Variants in DLGAP1 observed in about 807,000 individuals in gnomAD.
DLGAP1 encodes DLG associated protein 1.
In DLGAP1, 11 loss-of-function variants were observed where a neutral mutation model predicts 90.8. The ratio of observed to expected loss-of-function variants is 0.12; its 90% CI spans 0.08 to 0.20. DLGAP1 has a LOEUF of 0.20. Among genes scored for constraint, DLGAP1 ranks in the 10% least tolerant of loss-of-function variants. The pLI, the probability that DLGAP1 is intolerant of heterozygous loss-of-function variation, is 1.00. For synonymous variants in DLGAP1, 558 were observed against 540.7 expected (o/e 1.03, Z -0.44); for missense variants, 1,050 against 1,333.8 (o/e 0.79, Z 3.31).
rs75044943 is a variant in DLGAP1, at chr18:3,743,278, A to G, written c.1173-766T>C. On this transcript the variant is annotated intron_variant, in intron 5 of 12. Transcript: ENST00000315677. Reference sequence around the variant, plus strand: ...TACCCTTAAAAGAACTACTCATAGCAGTTTGGGGTATATTCTTCCTCAGTC... The same window carrying G: ...TACCCTTAAAAGAACTACTCATAGCGGTTTGGGGTATATTCTTCCTCAGTC... 9.7e-3 allele frequency among the ~76,000 whole-genome samples: 1,477 copies of G among 152,228 alleles called. 28 individuals are homozygous for G. Among genetic ancestry groups the G allele is most frequent in the African/African-American group, 0.034 (1,399 of 41,524 alleles).
chr18:4,308,450 T>A (rs2080318236), intron 1 of DLGAP1, among the ~76,000 whole-genome samples: 1 of 152,224 alleles, frequency 6.6e-6, no homozygotes, highest in African/African-American at 2.4e-5. Flanking sequence ...TATTACAAGC[T>A]GTAATAGCTC....
chr18:4,298,601 T>C (rs933757670), intron 1 of DLGAP1, among the ~76,000 whole-genome samples: 6 of 149,832 alleles, frequency 4.0e-5, no homozygotes, highest in Non-Finnish European at 7.4e-5. Context: ...GGAAGGGGAA[T>C]ATCACACTCT....
At chr18:4,181,070 T>C (rs2077199802) in intron 1 of DLGAP1, among the ~76,000 whole-genome samples, 1 of 152,208 alleles carries the variant, frequency 6.6e-6, no homozygotes, top group Non-Finnish European at 1.5e-5. Flanking sequence ...CACATTTTCT[T>C]GACTATTTGA....
chr18:4,089,663 C>T (rs1338778006), intron 2 of DLGAP1, among the ~76,000 whole-genome samples: 1 of 152,160 alleles, frequency 6.6e-6, no homozygotes. Context: ...CTTCAACAAA[C>T]CTGACAAAAA....
chr18:4,374,637 T>C (rs1233358307), intron 1 of DLGAP1, among the ~76,000 whole-genome samples: 1 of 152,158 alleles, frequency 6.6e-6, no homozygotes, highest in Non-Finnish European at 1.5e-5. Flanking sequence ...TTAAATCCAG[T>C]AAATCACACA....
chr18:3,903,034 T>C (rs995238441), intron 3 of DLGAP1, among the ~76,000 whole-genome samples: 2 of 152,238 alleles, frequency 1.3e-5, no homozygotes, highest in African/African-American at 2.4e-5. Flanking sequence ...ACATTCACCA[T>C]GTGTACACTG....
chr18:4,330,646 T>C (rs763244996), intron 1 of DLGAP1, among the ~76,000 whole-genome samples: 1 of 151,956 alleles, frequency 6.6e-6, no homozygotes, highest in Non-Finnish European at 1.5e-5. Flanking sequence ...AAATGTGTTC[T>C]TTTGTTTTTA....
At chr18:3,778,483 G>A (rs6506131) in intron 5 of DLGAP1, among the ~76,000 whole-genome samples, 147,024 of 152,232 alleles carry the variant, frequency 0.97, 71,069 homozygotes, top group East Asian at 1. Context: ...TAGCTGATAT[G>A]AGGAAGATAA....
intron 3 of DLGAP1, among the ~76,000 whole-genome samples, chr18:3,998,957 A>G (rs1405222598): frequency 6.6e-6 from 1 of 152,110 alleles, no homozygotes; most frequent in Non-Finnish European, 1.5e-5. Context: ...CAGGCTCAAT[A>G]GGCTTATTTT....
At chr18:3,867,715 T>C (rs1028649559) in intron 4 of DLGAP1, among the ~76,000 whole-genome samples, 5 of 152,182 alleles carry the variant, frequency 3.3e-5, no homozygotes, top group African/African-American at 9.7e-5. Flanking sequence ...TTTCCCATGA[T>C]GGAAAGGCTA....
chr18:4,322,672 T>C (rs922880854), intron 1 of DLGAP1, among the ~76,000 whole-genome samples: 32 of 152,056 alleles, frequency 2.1e-4, no homozygotes, highest in African/African-American at 7.0e-4. Context: ...AAAAAGCTAC[T>C]GCATAGAGGC....
chr18:4,196,842 C>A (rs1448822148), intron 1 of DLGAP1, among the ~76,000 whole-genome samples: 1 of 151,822 alleles, frequency 6.6e-6, no homozygotes, highest in African/African-American at 2.4e-5. Flanking sequence ...CAAAGAGAAG[C>A]ACAATTAAAT....
chr18:3,892,176 T>C (rs944079057), intron 3 of DLGAP1, among the ~76,000 whole-genome samples: 2 of 148,442 alleles, frequency 1.3e-5, no homozygotes, highest in Non-Finnish European at 3.0e-5. Context: ...CAGTCTTTCA[T>C]ACTGCTAAGA....
chr18:3,905,369 A>G (rs2071880171), intron 3 of DLGAP1, among the ~76,000 whole-genome samples: 1 of 142,960 alleles, frequency 7.0e-6, no homozygotes, highest in Non-Finnish European at 1.5e-5. Flanking sequence ...TCCATCTCAA[A>G]AAAAAAAAAA....
intron 1 of DLGAP1, among the ~76,000 whole-genome samples, chr18:4,417,648 G>A (rs1443477596): frequency 6.6e-6 from 1 of 152,168 alleles, no homozygotes; most frequent in Non-Finnish European, 1.5e-5. Context: ...TGTCCAGAGT[G>A]AAGGGCAATT....
chr18:3,873,428 T>G (rs1372071636), intron 4 of DLGAP1, among the ~76,000 whole-genome samples: 26 of 152,056 alleles, frequency 1.7e-4, no homozygotes, highest in Admixed American at 1.7e-3. Flanking sequence ...AAATTAAAAA[T>G]AAAGAAAATC....
rs1240872645 is a variant in DLGAP1 at position 3,551,642 on chromosome 18, T to TTCTC, written c.2057+15844_2057+15847dup. Among the ~76,000 whole-genome samples the TTCTC allele has an allele frequency of 5.8e-3, 160 of 27,412 alleles. 11 individuals are homozygous for TTCTC. Among genetic ancestry groups the TTCTC allele is most frequent in the Middle Eastern group, 0.013 (1 of 78 alleles). 18.0% of individuals were successfully genotyped at this position (27,412 alleles called of 152,430 possible). A position where few individuals can be genotyped will look rare whatever the true frequency, so the allele number is the denominator to read the frequency against. ...CTTTTTCTTTCTTTCTTTCCTTCCT[T>TTCTC]TCTCTCTCTCTTTGTCTCTTTCCTT... On this transcript the variant is annotated intron_variant, in intron 9 of 12. Transcript: ENST00000315677.
Position 4,112,944 on chromosome 18 carries a change from CT to C in DLGAP1, c.-159+38235del, listed in dbSNP as rs147026310. ...TTGCTGCAAAGGACATGATTTTATT[CT>C]TTTTTTTATAGCTATGTAGTATTCT... On this transcript the variant is annotated intron_variant, in intron 2 of 12. Transcript: ENST00000315677. Among the ~76,000 whole-genome samples, 688 of 151,840 alleles carry C rather than the reference CT, an allele frequency of 4.5e-3. 4 individuals are homozygous for C. Among genetic ancestry groups the C allele is most frequent in the South Asian group, 0.025 (120 of 4,798 alleles).
chr18:3,813,975 C>T, intron 5 of DLGAP1, 84 bp downstream of exon 5: 1 of 1,392,268 alleles, frequency 7.2e-7, no homozygotes, highest in Non-Finnish European at 1.0e-6. Flanking sequence ...TTCTGCCCCA[C>T]TTACTCTAGG....
Sources: gnomAD v4.1 joint callset for allele counts (sites outside exome capture counted in the v4.1 genomes callset) on GRCh38, gnomAD v4.1.1 for gene constraint, MANE v1.5 for transcripts, NCBI Gene and HGNC (gene_info 2026-07-23, HGNC 2026-07-21) for gene names.